Variants in VARS1 observed in about 807,000 individuals in gnomAD.
VARS1 encodes valine--tRNA ligase.
A neutral mutation model predicts 161.0 loss-of-function variants in VARS1; 92 were observed. The ratio of observed to expected loss-of-function variants is 0.57; its 90% CI spans 0.48 to 0.68. The LOEUF (loss-of-function observed/expected upper bound fraction) is 0.68. Among genes scored for constraint, VARS1 ranks in the 30% least tolerant of loss-of-function variants. VARS1 has a pLI of 0.00. For synonymous variants in VARS1, 595 were observed against 682.5 expected (o/e 0.87, Z 2.00); for missense variants, 1,338 against 1,695.9 (o/e 0.79, Z 3.71).
chr6:31,784,137 G>A lies in VARS1; in HGVS notation c.1671+77C>T. On this transcript the variant is annotated intron_variant, in intron 13 of 29. Coordinates refer to ENST00000375663, the MANE Select transcript of VARS1 (RefSeq NM_006295.3). The surrounding 1 kb of genome is among the most constrained non-coding windows in gnomAD (Gnocchi z 6.1). The stretch of plus-strand genomic sequence containing the variant: ...TTCCTCTCCTCAGCCAGGGGCCTAA[G>A]TCCAACCCCTCCACCCCATAAGGAT... 1.3e-6 allele frequency: 2 copies of A among 1,556,040 alleles called. No individual in the cohort carries two copies. Among genetic ancestry groups the A allele is most frequent in the Non-Finnish European group, 1.8e-6 (2 of 1,134,578 alleles).
chr6:31,779,041 G>A lies in VARS1; in HGVS notation c.3652C>T (p.Leu1218=). 6.2e-7 allele frequency: 1 copy of A among 1,612,832 alleles called. No homozygotes were observed. ...RVEAQRQAQR[L]RERRAASGYP... is the part of the protein sequence containing the mutation. ...CCCGAGGCAGCACGGCGTTCCCGCA[G>A]ACGCTGGGCCTGCCGCTGGGCCTCA... is the stretch of plus-strand genomic sequence containing the variant. The change falls in exon 29 of 30, where the codon CTG becomes TTG. Residue 1218 remains leucine, a synonymous_variant. Coordinates refer to ENST00000375663, the MANE Select transcript of VARS1 (RefSeq NM_006295.3). This position sits in a 1 kb window ranked among gnomAD's most constrained non-coding sequence, Gnocchi z 9.1.
chr6:31,782,081 G>A lies in VARS1; in HGVS notation c.2241+6C>T. 1 of 1,613,088 alleles carries A rather than the reference G, an allele frequency of 6.2e-7. No individual in the cohort carries two copies. The highest frequency in any genetic ancestry group is 8.5e-7 in the Non-Finnish European group (1 of 1,179,486). On this transcript the variant is annotated splice_donor_region_variant and intron_variant, in intron 18 of 29. Coordinates refer to ENST00000375663, the MANE Select transcript of VARS1 (RefSeq NM_006295.3). The surrounding 1 kb of genome is among the most constrained non-coding windows in gnomAD (Gnocchi z 8.3). ...TCCCAGCAGCTAGCTCTGGCCCTCT[G>A]CTCACCTCCCCAGGGGGCACCGCTG...
chr6:31,782,853 T>TAC lies in VARS1; in HGVS notation c.1763-10_1763-9dup. The TAC allele has an allele frequency of 6.2e-7, 1 of 1,607,774 alleles. No individual in the cohort carries two copies. Among genetic ancestry groups the TAC allele is most frequent in the Non-Finnish European group, 8.5e-7 (1 of 1,177,300 alleles). On this transcript the variant is annotated splice_polypyrimidine_tract_variant and intron_variant, in intron 14 of 29. Coordinates refer to ENST00000375663, the MANE Select transcript of VARS1 (RefSeq NM_006295.3). This position sits in a 1 kb window ranked among gnomAD's most constrained non-coding sequence, Gnocchi z 8.3. ...GGGTGATCTTCACAGCACCTGGGTG[T>TAC]ACATCAGGATGCCCAGGTCATGAGG... is the stretch of plus-strand genomic sequence containing the variant.
Position 31,782,485 on chromosome 6 carries a change from T to C in VARS1, c.1992-42A>G, listed in dbSNP as rs749560951. On this transcript the variant is annotated intron_variant, in intron 16 of 29. Coordinates refer to ENST00000375663, the MANE Select transcript of VARS1 (RefSeq NM_006295.3). This position sits in a 1 kb window ranked among gnomAD's most constrained non-coding sequence, Gnocchi z 8.3. ...GTGAGAAGGCCAGGCGGTAAAACCC[T>C]GAGGAGCCCTCCATCTTCCTCCCGT... 6.2e-7 allele frequency: 1 copy of C among 1,612,448 alleles called. No homozygotes were observed. Among genetic ancestry groups the C allele is most frequent in the African/African-American group, 1.3e-5 (1 of 74,918 alleles).
In VARS1 at chr6:31,779,455, C is replaced by T. The variant is rs913501174; in HGVS notation, c.3370G>A (p.Asp1124Asn). The change falls in exon 28 of 30, where the codon GAC becomes AAC. Residue 1124 changes from aspartate to asparagine, a missense_variant. By Grantham distance (23) the Asp-to-Asn change is conservative. Transcript: ENST00000375663. This position sits in a 1 kb window ranked among gnomAD's most constrained non-coding sequence, Gnocchi z 9.1. ...ITRAVRSLRA[D>N]YNLTRIRPDC... ...GGCCGGATCCGGGTGAGGTTGTAGT[C>T]GGCCCGCAGGGAGCGCACGGCTCGC... is the stretch of plus-strand genomic sequence containing the variant. 4 of 1,612,358 alleles carry T rather than the reference C, an allele frequency of 2.5e-6. No homozygotes were observed. Among genetic ancestry groups the T allele is most frequent in the Non-Finnish European group, 3.4e-6 (4 of 1,179,992 alleles).
chr6:31,790,240 G>A (rs965785136), intron 8 of VARS1, among the ~76,000 whole-genome samples: 11 of 151,978 alleles, frequency 7.2e-5, no homozygotes, highest in Admixed American at 5.9e-4. Context: ...ATACAGGGAT[G>A]TGCATTAGAG....
intron 8 of VARS1, among the ~76,000 whole-genome samples, chr6:31,789,843 ACC>A (rs1258180954): frequency 6.6e-6 from 1 of 151,482 alleles, no homozygotes; most frequent in Non-Finnish European, 1.5e-5. Flanking sequence ...ACATGGTGAA[ACC>A]CCGTCTCTAC....
chr6:31,779,017 C>A lies in VARS1; in HGVS notation c.3676G>T (p.Gly1226Cys). The A allele has an allele frequency of 6.2e-7, 1 of 1,613,052 alleles. No homozygotes were observed. Among genetic ancestry groups the A allele is most frequent in the Non-Finnish European group, 8.5e-7 (1 of 1,180,032 alleles). ...TCGAGCGGCACCTTGACAGGATAGC[C>A]CGAGGCAGCACGGCGTTCCCGCAGA... ...QRLRERRAAS[G>C]YPVKVPLEVQ... Residue 1226 changes from glycine to cysteine, a missense_variant, in exon 29 of 30, where the codon GGC becomes TGC. Around this residue, in one of 3 missense-constraint regions of VARS1, gnomAD observed 433 missense variants for 586.2 expected, o/e 0.74. Transcript: ENST00000375663. This position sits in a 1 kb window ranked among gnomAD's most constrained non-coding sequence, Gnocchi z 9.1.
chr6:31,793,235 C>T (rs1763012811), intron 2 of VARS1, 115 bp from the exon 3 acceptor site: 1 of 1,345,988 alleles, frequency 7.4e-7, no homozygotes, highest in Non-Finnish European at 9.9e-7. Context: ...ACCTCTGAGT[C>T]CCATTTCTTC....
At chr6:31,786,274 A>AC (rs1200989093) in intron 8 of VARS1, among the ~76,000 whole-genome samples, 8 of 151,950 alleles carry the variant, frequency 5.3e-5, no homozygotes, top group Admixed American at 2.6e-4. Context: ...AAACAAACAA[A>AC]AAAAAAAAGA....
At chr6:31,793,502 T>C (rs1021216661) in intron 2 of VARS1, among the ~76,000 whole-genome samples, 2 of 151,230 alleles carry the variant, frequency 1.3e-5, no homozygotes, top group African/African-American at 2.4e-5. Context: ...CGAGACTCCG[T>C]CTCAGAAAAA....
chr6:31,790,868 T>C (rs1813825596), intron 8 of VARS1, among the ~76,000 whole-genome samples: 1 of 152,016 alleles, frequency 6.6e-6, no homozygotes, highest in South Asian at 2.1e-4. Context: ...TATATGTAAG[T>C]AAATAGGAAA....
chr6:31,795,358 C>T lies in VARS1; in HGVS notation c.-33-108G>A. The T allele has an allele frequency of 2.6e-6, 2 of 757,052 alleles. No individual in the cohort carries two copies. Among genetic ancestry groups the T allele is most frequent in the South Asian group, 5.8e-5 (1 of 17,282 alleles). 46.9% of individuals were successfully genotyped at this position (757,052 alleles called of 1,614,324 possible). On this transcript the variant is annotated intron_variant, in intron 1 of 29. Transcript: ENST00000375663. The surrounding 1 kb of genome is among the most constrained non-coding windows in gnomAD (Gnocchi z 6.9). ...TCCTTCGCCGCAGACACCCGAGTCCCATAGGACTGAGGGTCTGACCAGGCA... is the reference window on the plus strand; with the variant it reads ...TCCTTCGCCGCAGACACCCGAGTCCTATAGGACTGAGGGTCTGACCAGGCA...
chr6:31,780,696 G>A lies in VARS1; in HGVS notation c.2797+9C>T, dbSNP rs1813081432. ...GGAGTGGCTGGGAGGGACGCTTTGGGGGCCATACCCTGGGACATGTAGGCA... is the reference window on the plus strand; with the variant it reads ...GGAGTGGCTGGGAGGGACGCTTTGGAGGCCATACCCTGGGACATGTAGGCA... On this transcript the variant is annotated intron_variant, in intron 24 of 29. Transcript: ENST00000375663. The surrounding 1 kb of genome is among the most constrained non-coding windows in gnomAD (Gnocchi z 5.1). 1.2e-6 allele frequency: 2 copies of A among 1,613,984 alleles called. No individual in the cohort carries two copies. The highest frequency in any genetic ancestry group is 1.7e-6 in the Non-Finnish European group (2 of 1,180,022).
intron 13 of VARS1, among the ~76,000 whole-genome samples, chr6:31,783,704 AAGGCTGG>A (rs1321596671): frequency 2.1e-5 from 3 of 146,322 alleles, no homozygotes; most frequent in African/African-American, 7.7e-5. Flanking sequence ...CTCTGTCACC[AAGGCTGG>A]AGTGCAGCAG....
In VARS1 at chr6:31,793,083, A is replaced by G. The variant is rs1814001796; in HGVS notation, c.425T>C (p.Leu142Ser). The G allele has an allele frequency of 6.2e-7, 1 of 1,612,406 alleles. No individual in the cohort carries two copies. ...GGTGTGCAGCCGAAGCCACTCCTCC[A>G]AGGGGCTCAGGGCCCTGCCCAGGGC... ...LGALGRALSPLEEWLRLHTYL... is the reference protein window; with the variant it reads ...LGALGRALSPSEEWLRLHTYL... The change falls in exon 3 of 30, where the codon TTG becomes TCG. Residue 142 changes from leucine (L) to serine (S), a missense_variant. Leu to Ser is a moderately radical substitution (Grantham distance 145, BLOSUM62 -2). Around this residue, in one of 3 missense-constraint regions of VARS1, gnomAD observed 902 missense variants for 1,090.3 expected, o/e 0.83. Transcript: ENST00000375663.
rs1813430976 is a variant in VARS1 at position 31,785,404 on chromosome 6, G to A, written c.1266-77C>T. ...ATCAGGTGGCTGACTGGGCAGTGTG[G>A]AGATCACCCATCCCCCTGAAATTTA... On this transcript the variant is annotated intron_variant, in intron 9 of 29. Coordinates refer to ENST00000375663, the MANE Select transcript of VARS1 (RefSeq NM_006295.3). This position sits in a 1 kb window ranked among gnomAD's most constrained non-coding sequence, Gnocchi z 6.1. 14 of 1,584,510 alleles carry A rather than the reference G, an allele frequency of 8.8e-6. No homozygotes were observed. Among genetic ancestry groups the A allele is most frequent in the Non-Finnish European group, 1.1e-5 (13 of 1,159,776 alleles).
intron 8 of VARS1, among the ~76,000 whole-genome samples, chr6:31,789,335 A>AC (rs1813720987): frequency 6.6e-6 from 1 of 152,184 alleles, no homozygotes; most frequent in South Asian, 2.1e-4. Context: ...CATATGGGTA[A>AC]ACCTGACTGG....
chr6:31,779,454 T>A lies in VARS1; in HGVS notation c.3371A>T (p.Asp1124Val). The change falls in exon 28 of 30, where the codon GAC becomes GTC. Residue 1124 changes from aspartate (D) to valine (V), a missense_variant. By Grantham distance (152) the Asp-to-Val change is radical (BLOSUM62 -3). This residue lies in a region of VARS1 where 433 missense variants were observed against 586.2 expected (regional missense o/e 0.74). Coordinates refer to ENST00000375663, the MANE Select transcript of VARS1 (RefSeq NM_006295.3). This position sits in a 1 kb window ranked among gnomAD's most constrained non-coding sequence, Gnocchi z 9.1. Reference sequence around the variant, plus strand: ...AGGCCGGATCCGGGTGAGGTTGTAGTCGGCCCGCAGGGAGCGCACGGCTCG... The same window carrying A: ...AGGCCGGATCCGGGTGAGGTTGTAGACGGCCCGCAGGGAGCGCACGGCTCG... ...ITRAVRSLRADYNLTRIRPDC... is the reference protein window; with the variant it reads ...ITRAVRSLRAVYNLTRIRPDC... 2 of 1,612,378 alleles carry A rather than the reference T, an allele frequency of 1.2e-6. No individual in the cohort carries two copies. Among genetic ancestry groups the A allele is most frequent in the Non-Finnish European group, 1.7e-6 (2 of 1,179,956 alleles).
Sources: allele counts gnomAD v4.1 joint callset (sites outside exome capture counted in the v4.1 genomes callset), GRCh38; gene constraint gnomAD v4.1.1; regional missense constraint gnomAD v4.1.1; non-coding constraint Gnocchi (gnomAD v3.1); transcripts MANE v1.5; gene names NCBI Gene and HGNC (gene_info 2026-07-23, HGNC 2026-07-21).